SLC26A7: variants seen among roughly 807,000 people sequenced by gnomAD.
The protein encoded by SLC26A7 is solute carrier family 26 member 7, also known as anion exchange transporter.
In SLC26A7, 59 loss-of-function variants were observed where a neutral mutation model predicts 82.5. The observed-to-expected ratio is 0.72, with a 90% CI of 0.58 to 0.89. The LOEUF (loss-of-function observed/expected upper bound fraction) is 0.89, where lower values mean the gene tolerates loss of function less well. Among genes scored for constraint, SLC26A7 ranks in the 40% least tolerant of loss-of-function variants. SLC26A7 has a pLI of 0.00. For synonymous variants in SLC26A7, 271 were observed against 274.3 expected (o/e 0.99, Z 0.12); for missense variants, 820 against 793.0 (o/e 1.03, Z -0.41).
At chr8:91,336,790 C>T (rs926438988) in intron 6 of SLC26A7, among the ~76,000 whole-genome samples, 3 of 151,810 alleles carry the variant, frequency 2.0e-5, no homozygotes, top group African/African-American at 7.3e-5. Context: ...AGTTAGAGCA[C>T]TTAATTTTAA....
rs114823875 is a variant in SLC26A7, at chr8:91,324,002, T to C, written c.642+5622T>C. On this transcript the variant is annotated intron_variant, in intron 5 of 18. Coordinates refer to ENST00000276609, the MANE Select transcript of SLC26A7 (RefSeq NM_052832.4). Reference sequence around the variant, plus strand: ...TAACCACGCCTGGGTAATTTTTGTATTTTTAGTAGAGCTGGTGTCTTGCCT... The same window carrying C: ...TAACCACGCCTGGGTAATTTTTGTACTTTTAGTAGAGCTGGTGTCTTGCCT... 5.1e-3 allele frequency among the ~76,000 whole-genome samples: 768 copies of C among 152,050 alleles called. 5 individuals are homozygous for C. Among genetic ancestry groups the C allele is most frequent in the African/African-American group, 0.018 (732 of 41,474 alleles).
intron 2 of SLC26A7, among the ~76,000 whole-genome samples, chr8:91,263,003 G>A (rs1330820549): frequency 2.0e-5 from 3 of 151,966 alleles, no homozygotes; most frequent in Admixed American, 6.6e-5. Flanking sequence ...TGTGTGCTGT[G>A]AATCTCTTTA....
intron 2 of SLC26A7, among the ~76,000 whole-genome samples, chr8:91,241,822 A>T (rs916704666): frequency 6.6e-6 from 1 of 152,176 alleles, no homozygotes; most frequent in Non-Finnish European, 1.5e-5. Flanking sequence ...GTATCTTAGA[A>T]ATGCTATAAA....
chr8:91,309,273 TTATA>T (rs1812409765), intron 4 of SLC26A7, among the ~76,000 whole-genome samples: 4 of 151,292 alleles, frequency 2.6e-5, no homozygotes, highest in Admixed American at 2.6e-4. Flanking sequence ...TATGTATAAT[TTATA>T]TGTATGTAAT....
chr8:91,222,748 T>G (rs1489630576), intron 2 of SLC26A7, among the ~76,000 whole-genome samples: 1 of 152,220 alleles, frequency 6.6e-6, no homozygotes, highest in Non-Finnish European at 1.5e-5. Flanking sequence ...CCTATTGGAT[T>G]CAGTTTGCCA....
Position 91,338,182 on chromosome 8 carries a change from C to T in SLC26A7, c.828C>T (p.Thr276=), listed in dbSNP as rs1813297541. Residue 276 remains threonine (T), a synonymous_variant, in exon 7 of 19, where the codon ACC becomes ACT. Transcript: ENST00000276609. ...CTGCATCATTTGCTTGTTATTGCAC[C>T]AATATGGAAAACACATATGGATTAG... ...IIAASFACYC[T]NMENTYGLEV... The T allele has an allele frequency of 1.2e-6, 2 of 1,610,342 alleles. No homozygotes were observed. The highest frequency in any genetic ancestry group is 1.3e-5 in the African/African-American group (1 of 74,690).
chr8:91,370,943 A>G (rs547711265), intron 15 of SLC26A7, among the ~76,000 whole-genome samples: 116 of 152,014 alleles, frequency 7.6e-4, no homozygotes, highest in African/African-American at 2.5e-3. Flanking sequence ...TTTATTGGAA[A>G]TCTTTGACAG....
At chr8:91,266,883 A>G (rs1226561572) in intron 2 of SLC26A7, among the ~76,000 whole-genome samples, 3 of 151,928 alleles carry the variant, frequency 2.0e-5, no homozygotes, top group Admixed American at 2.0e-4. Flanking sequence ...CCTGTGATAT[A>G]TGGCCTTTAT....
At chr8:91,220,020 C>T (rs1048928041) in intron 2 of SLC26A7, among the ~76,000 whole-genome samples, 3 of 152,052 alleles carry the variant, frequency 2.0e-5, no homozygotes, top group Admixed American at 1.3e-4. Context: ...GGTTACCTTC[C>T]TAGCAAGGCC....
chr8:91,245,644 A>G (rs1452924446), upstream of SLC26A7, among the ~76,000 whole-genome samples: 2 of 152,174 alleles, frequency 1.3e-5, no homozygotes, highest in Non-Finnish European at 2.9e-5. Flanking sequence ...CTCGATATAA[A>G]TCAGTGTCTT....
chr8:91,322,831 A>G (rs1430002354), intron 5 of SLC26A7, among the ~76,000 whole-genome samples: 1 of 152,186 alleles, frequency 6.6e-6, no homozygotes, highest in Non-Finnish European at 1.5e-5. Flanking sequence ...CTGCCCTAAA[A>G]ATGGGTAGTT....
intron 2 of SLC26A7, among the ~76,000 whole-genome samples, chr8:91,236,231 G>A (rs1256628905): frequency 6.6e-6 from 1 of 152,116 alleles, no homozygotes; most frequent in Admixed American, 6.5e-5. Context: ...TAAATAGAAT[G>A]AAAAGCAATT....
intron 4 of SLC26A7, among the ~76,000 whole-genome samples, chr8:91,312,844 A>G (rs569487211): frequency 2.6e-5 from 4 of 152,064 alleles, no homozygotes; most frequent in Admixed American, 2.6e-4. Flanking sequence ...TGAATCAGAT[A>G]TTTGTTTTTG....
rs1358433535 is a variant in SLC26A7 at position 91,395,484 on chromosome 8, T to A, written c.*387T>A. 1 of 185,240 alleles carries A rather than the reference T, an allele frequency of 5.4e-6. No individual in the cohort carries two copies. The highest frequency in any genetic ancestry group is 1.1e-5 in the Non-Finnish European group (1 of 91,244). 11.5% of individuals were successfully genotyped at this position (185,240 alleles called of 1,614,324 possible). On this transcript the variant is annotated 3_prime_UTR_variant, in exon 19 of 19. Transcript: ENST00000276609. ...GAACATTTACAAGCCATTTGTAAAA[T>A]TTTAAGATAATCTGTAACTAATACA...
intron 2 of SLC26A7, among the ~76,000 whole-genome samples, chr8:91,288,235 T>C (rs938231771): frequency 6.6e-6 from 1 of 152,230 alleles, no homozygotes; most frequent in Admixed American, 6.5e-5. Flanking sequence ...CTCCAGAATC[T>C]AATGCCTCCT....
At chr8:91,307,383 A>G (rs1301895159) in intron 4 of SLC26A7, among the ~76,000 whole-genome samples, 2 of 140,386 alleles carry the variant, frequency 1.4e-5, no homozygotes, top group South Asian at 2.4e-4. Context: ...ACAATAGCAA[A>G]GACTTGGAAC....
At chr8:91,281,485 A>G (rs957683351) in intron 2 of SLC26A7, among the ~76,000 whole-genome samples, 1 of 152,212 alleles carries the variant, frequency 6.6e-6, no homozygotes, top group Non-Finnish European at 1.5e-5. Flanking sequence ...CATTTTCTAT[A>G]AATGACTTGA....
intron 2 of SLC26A7, among the ~76,000 whole-genome samples, chr8:91,264,510 A>G (rs1811055352): frequency 6.6e-6 from 1 of 151,202 alleles, no homozygotes; most frequent in Non-Finnish European, 1.5e-5. Flanking sequence ...TACTCAATCC[A>G]CTCCTTATAC....
chr8:91,240,531 G>A lies in SLC26A7; in HGVS notation c.-33-9088G>A, dbSNP rs190845170. Among the ~76,000 whole-genome samples, 205 of 152,212 alleles carry A rather than the reference G, an allele frequency of 1.3e-3. 1 individual carries two copies. The highest frequency in any genetic ancestry group is 4.6e-3 in the African/African-American group (193 of 41,550). On this transcript the variant is annotated intron_variant, in intron 2 of 5. Transcript: ENST00000522862. ...ACTTATTCTGCATCTTCCAATAAAT[G>A]AGAAACTTATAATTATTCACTGTCC...
Sources: allele counts gnomAD v4.1 joint callset (sites outside exome capture counted in the v4.1 genomes callset), GRCh38; gene constraint gnomAD v4.1.1; transcripts MANE v1.5; gene names NCBI Gene and HGNC (gene_info 2026-07-23, HGNC 2026-07-21).